Variants in CSMD1 observed in about 807,000 individuals in gnomAD.
CSMD1 encodes CUB and Sushi multiple domains 1.
CSMD1 carries 213 observed loss-of-function variants against 417.5 expected under a neutral mutation model. The observed-to-expected ratio is 0.51, with a 90% CI of 0.46 to 0.57. The LOEUF (loss-of-function observed/expected upper bound fraction) is 0.57, where lower values mean the gene tolerates loss of function less well. CSMD1 is among the 20% of genes least tolerant of loss of function. The probability of loss-of-function intolerance (pLI) is 0.00; values close to 1 mark genes in which losing one functional copy is unlikely to be tolerated. For synonymous variants in CSMD1, 2,862 were observed against 1,736.8 expected, an observed-to-expected ratio of 1.65 and a Z score of -16.11; for missense variants, 6,923 against 4,529.7, an observed-to-expected ratio of 1.53 and a Z score of -15.17.
chr8:3,639,251 T>A (rs566514873), intron 7 of CSMD1, among the ~76,000 whole-genome samples: 2 of 152,328 alleles, frequency 1.3e-5, no homozygotes, highest in African/African-American at 4.8e-5. Flanking sequence ...CAATGAAATT[T>A]CTATGAAATA....
At chr8:4,238,695 T>C (rs1802212308) in intron 3 of CSMD1, among the ~76,000 whole-genome samples, 1 of 152,214 alleles carries the variant, frequency 6.6e-6, no homozygotes, top group Non-Finnish European at 1.5e-5. Context: ...CCTCAATACC[T>C]GTTAGCTGTT....
chr8:3,680,382 A>G (rs1232856133), intron 7 of CSMD1, among the ~76,000 whole-genome samples: 1 of 152,184 alleles, frequency 6.6e-6, no homozygotes. Flanking sequence ...AGAAATACAA[A>G]CTACCATCAG....
chr8:3,384,149 A>T (rs1044738021), intron 18 of CSMD1, among the ~76,000 whole-genome samples: 2 of 152,140 alleles, frequency 1.3e-5, no homozygotes, highest in Non-Finnish European at 2.9e-5. Context: ...TACTCTGGGA[A>T]ATGCATTGAG....
At chr8:4,209,845 G>A (rs1046292121) in intron 3 of CSMD1, among the ~76,000 whole-genome samples, 1 of 152,182 alleles carries the variant, frequency 6.6e-6, no homozygotes, top group Non-Finnish European at 1.5e-5. Flanking sequence ...GCAAAATAAG[G>A]AGCGGTTAAT....
At position 3,921,820 on chromosome 8, in the gene CSMD1, G is replaced by A. The variant is rs542645158; in HGVS notation, c.818+76083C>T. On this transcript the variant is annotated intron_variant, in intron 5 of 69. Transcript: ENST00000635120. The stretch of plus-strand genomic sequence containing the variant: ...GGCCTAACATATGATCTATCCTGGA[G>A]AGAGTTTTGTGCAAAGCTTAGAAAA... 5.9e-5 allele frequency among the ~76,000 whole-genome samples: 9 copies of A among 152,266 alleles called. No individual in the cohort carries two copies. The South Asian group carries it at 1.0e-3, about 18-fold the overall frequency.
At chr8:3,769,205 T>C (rs981270046) in intron 5 of CSMD1, among the ~76,000 whole-genome samples, 22 of 152,348 alleles carry the variant, frequency 1.4e-4, no homozygotes, top group Admixed American at 1.0e-3. Context: ...TTCACAGACA[T>C]GTTGGTGACA....
At position 4,074,831 on chromosome 8, in the gene CSMD1, G is replaced by C. The variant is rs1383820832; in HGVS notation, c.416-42732C>G. Among the ~76,000 whole-genome samples, 6 of 151,714 alleles carry C rather than the reference G, an allele frequency of 4.0e-5. No homozygotes were observed. In the East Asian group the frequency reaches 7.7e-4, roughly 20 times the overall value. On this transcript the variant is annotated intron_variant, in intron 3 of 69. Coordinates refer to ENST00000635120, the MANE Select transcript of CSMD1 (RefSeq NM_033225.6). ...ATCATTTCCATGATGCCTTTTTCTTGGTAGAATTTTCTGAGTTTTTTTTCT... is the reference window on the plus strand; with the variant it reads ...ATCATTTCCATGATGCCTTTTTCTTCGTAGAATTTTCTGAGTTTTTTTTCT...
At chr8:3,158,434 T>C (rs528577000) in intron 38 of CSMD1, among the ~76,000 whole-genome samples, 3 of 148,506 alleles carry the variant, frequency 2.0e-5, no homozygotes, top group African/African-American at 7.9e-5. Context: ...CCGCGTCACA[T>C]GACTACCAGG....
intron 10 of CSMD1, among the ~76,000 whole-genome samples, chr8:3,548,659 TACACACACACACAC>T (rs146360407): frequency 2.6e-4 from 34 of 133,112 alleles, no homozygotes; most frequent in African/African-American, 4.1e-4. Flanking sequence ...TATTCCATCA[TACACACACACACAC>T]ACACACACAC....
At chr8:4,993,849 TG>T (rs1418062979) in intron 1 of CSMD1, among the ~76,000 whole-genome samples, 1 of 152,052 alleles carries the variant, frequency 6.6e-6, no homozygotes, top group African/African-American at 2.4e-5. Flanking sequence ...CGGAGACCTT[TG>T]CCTATTGGTA....
intron 3 of CSMD1, among the ~76,000 whole-genome samples, chr8:4,113,130 C>T (rs903275886): frequency 2.6e-5 from 4 of 152,100 alleles, no homozygotes; most frequent in Non-Finnish European, 5.9e-5. Flanking sequence ...TTCCACTCAT[C>T]AGCTGTTCTT....
chr8:4,724,828 G>C (rs764929398), intron 1 of CSMD1, among the ~76,000 whole-genome samples: 2 of 151,962 alleles, frequency 1.3e-5, no homozygotes, highest in Admixed American at 6.6e-5. Flanking sequence ...GTTGAATATA[G>C]CCTGTATGTT....
chr8:4,606,440 G>C (rs1800872029), intron 2 of CSMD1, among the ~76,000 whole-genome samples: 1 of 152,092 alleles, frequency 6.6e-6, no homozygotes, highest in Non-Finnish European at 1.5e-5. Context: ...GCTGCTAGTG[G>C]CTGTTCTTCC....
At chr8:3,419,133 C>G (rs554647109) in intron 12 of CSMD1, among the ~76,000 whole-genome samples, 16 of 152,296 alleles carry the variant, frequency 1.1e-4, no homozygotes, top group African/African-American at 3.4e-4. Flanking sequence ...ATGACGCAAG[C>G]TGCGCTGTTC....
At chr8:4,985,459 A>G (rs1308430713) in intron 1 of CSMD1, among the ~76,000 whole-genome samples, 1 of 152,230 alleles carries the variant, frequency 6.6e-6, no homozygotes, top group African/African-American at 2.4e-5. Context: ...TGTTTGGCAC[A>G]TGCCATAATT....
intron 43 of CSMD1, among the ~76,000 whole-genome samples, chr8:3,109,042 A>G (rs2129015592): frequency 6.6e-6 from 1 of 152,300 alleles, no homozygotes. Flanking sequence ...AGGCAGGCAG[A>G]TCACCTGAGG....
At chr8:3,436,140 T>G (rs553972473) in intron 12 of CSMD1, among the ~76,000 whole-genome samples, 94 of 152,240 alleles carry the variant, frequency 6.2e-4, no homozygotes, top group African/African-American at 2.2e-3. Flanking sequence ...CCCTACATTT[T>G]TCTTTATTGA....
At chr8:4,286,271 G>C (rs936109289) in intron 3 of CSMD1, among the ~76,000 whole-genome samples, 2 of 152,108 alleles carry the variant, frequency 1.3e-5, no homozygotes, top group East Asian at 1.9e-4. Flanking sequence ...TGTCTCACTT[G>C]CTTCTACTTA....
At chr8:3,066,639 T>G (rs1812954026) in intron 49 of CSMD1, among the ~76,000 whole-genome samples, 1 of 152,226 alleles carries the variant, frequency 6.6e-6, no homozygotes, top group African/African-American at 2.4e-5. Flanking sequence ...AATAATCACC[T>G]GTTTTAAAAA....
Sources: gnomAD v4.1 joint callset for allele counts (sites outside exome capture counted in the v4.1 genomes callset) on GRCh38, gnomAD v4.1.1 for gene constraint, MANE v1.5 for transcripts, NCBI Gene and HGNC (gene_info 2026-07-23, HGNC 2026-07-21) for gene names.